Variants in GINS1 observed in about 807,000 individuals in gnomAD.
GINS1 encodes the protein GINS complex subunit 1.
A neutral mutation model predicts 34.9 loss-of-function variants in GINS1; 26 were observed. The observed-to-expected ratio is 0.74, with a 90% CI of 0.55 to 1.03. The LOEUF is 1.03. Ranked by LOEUF, GINS1 falls within the 50% of genes least tolerant of loss-of-function variation. The probability of loss-of-function intolerance (pLI) is 0.00; values close to 1 mark genes in which losing one functional copy is unlikely to be tolerated. For missense variants in GINS1, 235 were observed against 237.9 expected, an observed-to-expected ratio of 0.99 and a Z score of 0.08; for synonymous variants, 97 against 84.4, an observed-to-expected ratio of 1.15 and a Z score of -0.82.
At chr20:25,413,974 G>A (rs1436434507) in intron 2 of GINS1, 120 bp downstream of exon 2, 9 of 608,586 alleles carry the variant, frequency 1.5e-5, no homozygotes, top group Admixed American at 4.9e-5. Context: ...GGCGGATTAC[G>A]AGGTCAGGAG....
Position 25,425,338 on chromosome 20 carries a change from C to T in GINS1, c.447+11C>T. On this transcript the variant is annotated intron_variant, in intron 5 of 6. Coordinates refer to ENST00000262460, the MANE Select transcript of GINS1 (RefSeq NM_021067.5). ...AGCCTATATATTGAAGTATGTATAT[C>T]TTTTTAAAATGCATTTTTCTTTAAT... 1.8e-6 allele frequency: 2 copies of T among 1,085,096 alleles called. No individual in the cohort carries two copies. The highest frequency in any genetic ancestry group is 2.8e-6 in the Non-Finnish European group (2 of 713,128). 67.2% of individuals were successfully genotyped at this position (1,085,096 alleles called of 1,614,324 possible).
At position 25,418,137 on chromosome 20, in the gene GINS1, G is replaced by A. The variant is rs763944578; in HGVS notation, c.272G>A (p.Arg91Lys). The A allele has an allele frequency of 1.2e-6, 2 of 1,605,492 alleles. No homozygotes were observed. Among genetic ancestry groups the A allele is most frequent in the African/African-American group, 2.7e-5 (2 of 74,808 alleles). ...YDRLLRIRAL[R>K]WEYGSVLPNA... The stretch of plus-strand genomic sequence containing the variant: ...CGCTTGCTTCGGATCAGAGCACTCA[G>A]ATGGGAATATGGTAGCGTCTTGCCA... The change falls in exon 4 of 7, where the codon AGA becomes AAA. Residue 91 changes from arginine to lysine, a missense_variant. Coordinates refer to ENST00000262460, the MANE Select transcript of GINS1 (RefSeq NM_021067.5).
intron 5 of GINS1, among the ~76,000 whole-genome samples, chr20:25,437,067 G>A (rs141082104): frequency 8.5e-5 from 13 of 152,200 alleles, no homozygotes; most frequent in African/African-American, 3.1e-4. Flanking sequence ...TTGAACCTGT[G>A]CCTTTCCTTG....
chr20:25,425,892 T>C (rs1363490387), intron 5 of GINS1, among the ~76,000 whole-genome samples: 1 of 152,220 alleles, frequency 6.6e-6, no homozygotes, highest in Non-Finnish European at 1.5e-5. Context: ...ATTTAAGTGG[T>C]ATTAAATATT....
chr20:25,413,260 G>A (rs1488995488), intron 1 of GINS1, among the ~76,000 whole-genome samples: 5 of 151,950 alleles, frequency 3.3e-5, no homozygotes, highest in Admixed American at 3.3e-4. Flanking sequence ...TGTTGACCAG[G>A]CTGGTTTTGA....
At chr20:25,442,610 A>T (rs60542138) in intron 6 of GINS1, among the ~76,000 whole-genome samples, 1,864 of 123,948 alleles carry the variant, frequency 0.015, 28 homozygotes, top group African/African-American at 0.044. Context: ...TATTATTATT[A>T]TTTTTTTTTT....
At chr20:25,429,993 A>G (rs947120331) in intron 5 of GINS1, among the ~76,000 whole-genome samples, 8 of 152,212 alleles carry the variant, frequency 5.3e-5, no homozygotes, top group African/African-American at 1.9e-4. Flanking sequence ...GCTCACTTCA[A>G]CGTCCGCCTC....
At chr20:25,420,806 A>G (rs895893718) in intron 4 of GINS1, 3 of 928,866 alleles carry the variant, frequency 3.2e-6, no homozygotes, top group African/African-American at 3.6e-5. Flanking sequence ...AGAAAAAAAG[A>G]AAAAGAATAA....
At chr20:25,408,402 T>C (rs1178926069) in intron 1 of GINS1, among the ~76,000 whole-genome samples, 2 of 152,250 alleles carry the variant, frequency 1.3e-5, no homozygotes, top group African/African-American at 4.8e-5. Context: ...TCTCTGCATA[T>C]GCCTCACATA....
intron 4 of GINS1, among the ~76,000 whole-genome samples, chr20:25,419,355 AC>A (rs1222102434): frequency 7.2e-5 from 11 of 151,756 alleles, no homozygotes; most frequent in African/African-American, 2.7e-4. Flanking sequence ...AAAAAAAAAA[AC>A]AAATATTCAA....
At chr20:25,420,041 T>A (rs2090345413) in intron 4 of GINS1, among the ~76,000 whole-genome samples, 1 of 152,178 alleles carries the variant, frequency 6.6e-6, no homozygotes, top group African/African-American at 2.4e-5. Context: ...TATTGGGCAT[T>A]GTTTCTGTAA....
At chr20:25,409,533 A>G (rs7265397) in intron 1 of GINS1, among the ~76,000 whole-genome samples, 2 of 152,186 alleles carry the variant, frequency 1.3e-5, no homozygotes, top group Non-Finnish European at 2.9e-5. Flanking sequence ...AACTGGGTAA[A>G]CAACATCAGA....
intron 2 of GINS1, among the ~76,000 whole-genome samples, chr20:25,416,389 A>G (rs529700120): frequency 5.6e-4 from 86 of 152,284 alleles, no homozygotes; most frequent in African/African-American, 1.9e-3. Context: ...CCTAGAAGAC[A>G]TGACAGGATG....
chr20:25,430,103 G>A (rs907466184), intron 5 of GINS1, among the ~76,000 whole-genome samples: 1 of 152,182 alleles, frequency 6.6e-6, no homozygotes, highest in African/African-American at 2.4e-5. Context: ...ATTAGAGACA[G>A]GGTTTTACCA....
intron 2 of GINS1, among the ~76,000 whole-genome samples, chr20:25,415,542 A>G (rs1038778820): frequency 1.3e-5 from 2 of 152,056 alleles, no homozygotes; most frequent in Admixed American, 1.3e-4. Context: ...AAAATTAGCC[A>G]TGCGTGGTGG....
Position 25,436,074 on chromosome 20 carries a change from C to T in GINS1, c.448-5628C>T, listed in dbSNP as rs575596604. Among the ~76,000 whole-genome samples, 17 of 151,788 alleles carry T rather than the reference C, an allele frequency of 1.1e-4. No homozygotes were observed. In the East Asian group the frequency reaches 3.3e-3, roughly 30 times the overall value. Reference sequence around the variant, plus strand: ...CCTGACCTTGTGATCTCACCTTGGCCTCCCAAAGTCCTGGGATTACAGGCG... The same window carrying T: ...CCTGACCTTGTGATCTCACCTTGGCTTCCCAAAGTCCTGGGATTACAGGCG... On this transcript the variant is annotated intron_variant, in intron 5 of 6. Transcript: ENST00000262460.
At chr20:25,411,740 C>T (rs1250864835) in intron 1 of GINS1, among the ~76,000 whole-genome samples, 2 of 151,806 alleles carry the variant, frequency 1.3e-5, no homozygotes, top group Non-Finnish European at 2.9e-5. Context: ...GTCAGGAGTT[C>T]GAGACCAACC....
intron 5 of GINS1, among the ~76,000 whole-genome samples, chr20:25,425,947 G>A (rs1157673182): frequency 2.0e-5 from 3 of 151,914 alleles, no homozygotes; most frequent in Non-Finnish European, 4.4e-5. Context: ...TTGTTTTGCA[G>A]CTGTCACCAC....
rs755523965 is a variant in GINS1, at chr20:25,407,841, G to C, written c.21G>C (p.Met7Ile). 6.2e-7 allele frequency: 1 copy of C among 1,614,026 alleles called. No homozygotes were observed. Among genetic ancestry groups the C allele is most frequent in the Non-Finnish European group, 8.5e-7 (1 of 1,179,946 alleles). Residue 7 changes from methionine to isoleucine, a missense_variant, in exon 1 of 7, where the codon ATG becomes ATC. By Grantham distance (10) the Met-to-Ile change is conservative. Transcript: ENST00000262460. ...CCGCCATGTTCTGCGAAAAAGCCAT[G>C]GAACTGATCCGCGAGCTGCATCGCG... MFCEKA[M>I]ELIRELHRAP...
Sources: allele counts gnomAD v4.1 joint callset (sites outside exome capture counted in the v4.1 genomes callset), GRCh38; gene constraint gnomAD v4.1.1; transcripts MANE v1.5; gene names NCBI Gene and HGNC (gene_info 2026-07-23, HGNC 2026-07-21).